Variants in LRRIQ1 observed in about 807,000 individuals in gnomAD.
The protein encoded by LRRIQ1 is leucine-rich repeat- and IQ domain-containing protein 1.
In LRRIQ1, 210 loss-of-function variants were observed where a neutral mutation model predicts 211.9. The ratio of observed to expected loss-of-function variants is 0.99; its 90% CI spans 0.89 to 1.11. The LOEUF is 1.11. Among genes scored for constraint, LRRIQ1 ranks in the 50% most tolerant of loss-of-function variants. LRRIQ1 has a pLI of 0.00. For synonymous variants in LRRIQ1, 699 were observed against 650.1 expected (o/e 1.08, Z -1.14); for missense variants, 2,136 against 1,939.5 (o/e 1.10, Z -1.90).
chr12:85,185,886 A>C (rs1355552401), intron 24 of LRRIQ1, among the ~76,000 whole-genome samples: 1 of 151,962 alleles, frequency 6.6e-6, no homozygotes, highest in Admixed American at 6.6e-5. Flanking sequence ...TTTGAATTTT[A>C]ATTGCTTATA....
intron 11 of LRRIQ1, among the ~76,000 whole-genome samples, chr12:85,087,653 G>C (rs536289044): frequency 8.5e-5 from 13 of 152,280 alleles, no homozygotes; most frequent in South Asian, 4.1e-4. Context: ...GTGTGAGATA[G>C]TATCTCATTG....
Position 85,098,493 on chromosome 12 carries a change from T to C in LRRIQ1, c.3026T>C (p.Val1009Ala), listed in dbSNP as rs747103001. ...AATCATCTTACTGATGTAGAGGGCG[T>C]TGAAAATTGTGGATTGCTCCAAATA... Reference protein sequence around the residue: ...SHNHLTDVEGVENCGLLQILK... With the variant: ...SHNHLTDVEGAENCGLLQILK... The change falls in exon 12 of 27, where the codon GTT becomes GCT. Residue 1009 changes from valine to alanine, a missense_variant. By Grantham distance (64) the Val-to-Ala change is moderately conservative. Coordinates refer to ENST00000393217, the MANE Select transcript of LRRIQ1 (RefSeq NM_001079910.2). The C allele has an allele frequency of 9.9e-6, 16 of 1,611,708 alleles. 1 individual carries two copies. The highest frequency in any genetic ancestry group is 9.9e-5 in the South Asian group (9 of 90,868).
At chr12:85,235,677 T>C (rs1159868) in intron 26 of LRRIQ1, among the ~76,000 whole-genome samples, 73,002 of 152,066 alleles carry the variant, frequency 0.48, 21,555 homozygotes, top group African/African-American at 0.84. Flanking sequence ...AGTTGTTAAA[T>C]ATGATCTAGG....
intron 24 of LRRIQ1, among the ~76,000 whole-genome samples, chr12:85,178,844 T>C (rs1891843738): frequency 6.6e-6 from 1 of 151,540 alleles, no homozygotes. Context: ...TCAGACATTA[T>C]ATTAGGCTGT....
chr12:85,222,448 G>A (rs1353412058), intron 24 of LRRIQ1, among the ~76,000 whole-genome samples: 1 of 152,112 alleles, frequency 6.6e-6, no homozygotes, highest in African/African-American at 2.4e-5. Context: ...CAAGCCTTTC[G>A]AGAAGGAGGG....
chr12:85,125,014 T>TAAAAAATACAA (rs1888276602), intron 17 of LRRIQ1, among the ~76,000 whole-genome samples: 1 of 151,844 alleles, frequency 6.6e-6, no homozygotes, highest in African/African-American at 2.4e-5. Context: ...CCGTCTCTAC[T>TAAAAAATACAA]AAAAAATACA....
intron 5 of LRRIQ1, 21 bp from the exon 6 acceptor site, chr12:85,047,226 T>C: frequency 6.5e-7 from 1 of 1,530,576 alleles, no homozygotes; most frequent in Non-Finnish European, 8.8e-7. Context: ...ATGATGATGT[T>C]ATTTTTCTTC....
intron 15 of LRRIQ1, among the ~76,000 whole-genome samples, chr12:85,112,232 A>T (rs1399290620): frequency 6.6e-6 from 1 of 151,858 alleles, no homozygotes; most frequent in Non-Finnish European, 1.5e-5. Context: ...GCTAGACTAC[A>T]TCTTCTTAGA....
chr12:85,102,959 A>AAAATATATATATATATAT (rs1458673370), intron 13 of LRRIQ1, among the ~76,000 whole-genome samples: 1 of 108,500 alleles, frequency 9.2e-6, no homozygotes, highest in African/African-American at 4.2e-5. Flanking sequence ...AAAAAAAAAA[A>AAAATATATATATATATAT]ATATATATAT....
intron 1 of LRRIQ1, among the ~76,000 whole-genome samples, chr12:85,255,890 T>C (rs943326019): frequency 2.0e-5 from 3 of 151,914 alleles, no homozygotes; most frequent in Middle Eastern, 3.4e-3. Flanking sequence ...TTAATTGCTG[T>C]TACACCAAGA....
At chr12:85,240,798 C>T (rs1416043046) in intron 26 of LRRIQ1, among the ~76,000 whole-genome samples, 2 of 152,000 alleles carry the variant, frequency 1.3e-5, no homozygotes, top group Admixed American at 6.6e-5. Flanking sequence ...ATATAAGATC[C>T]TTAAGCATCA....
chr12:85,172,370 T>A (rs1891462008), intron 24 of LRRIQ1, among the ~76,000 whole-genome samples: 1 of 152,220 alleles, frequency 6.6e-6, no homozygotes, highest in African/African-American at 2.4e-5. Context: ...TATTGCCTTT[T>A]ATCTAAACTA....
chr12:85,240,377 C>G (rs888250095), intron 26 of LRRIQ1, among the ~76,000 whole-genome samples: 34 of 152,088 alleles, frequency 2.2e-4, no homozygotes, highest in Non-Finnish European at 4.1e-4. Context: ...TACAGCCACT[C>G]TGGAGAAAAA....
In LRRIQ1 at chr12:85,046,098, A is replaced by G; in HGVS notation, c.415A>G (p.Ser139Gly). Residue 139 changes from serine to glycine, a missense_variant, in exon 5 of 27, where the codon AGT becomes GGT. By Grantham distance (56) the Ser-to-Gly change is moderately conservative. Transcript: ENST00000393217. ...CACTCCTGATTTTGTTCCTGAGCCT[A>G]GTCCTCATGACTTGCCTATGGATGA... is the stretch of plus-strand genomic sequence containing the variant. ...CATPDFVPEPSPHDLPMDEHV... is the reference protein window; with the variant it reads ...CATPDFVPEPGPHDLPMDEHV... 4 of 1,610,616 alleles carry G rather than the reference A, an allele frequency of 2.5e-6. No individual in the cohort carries two copies. The highest frequency in any genetic ancestry group is 3.4e-6 in the Non-Finnish European group (4 of 1,177,698).
intron 24 of LRRIQ1, among the ~76,000 whole-genome samples, chr12:85,192,608 G>A (rs1202162061): frequency 3.9e-5 from 4 of 101,738 alleles, no homozygotes; most frequent in African/African-American, 8.7e-5. Flanking sequence ...TGTATATATA[G>A]TTATATACTA....
At chr12:85,134,260 A>G (rs1371518154) in intron 18 of LRRIQ1, among the ~76,000 whole-genome samples, 1 of 152,136 alleles carries the variant, frequency 6.6e-6, no homozygotes. Flanking sequence ...CATTATGCAC[A>G]TATATTCAAA....
At chr12:85,106,718 A>T (rs1886812101) in intron 15 of LRRIQ1, 103 bp downstream of exon 15, 1 of 730,474 alleles carries the variant, frequency 1.4e-6, no homozygotes, top group Non-Finnish European at 2.2e-6. Flanking sequence ...GGATAAGTTA[A>T]TTAAAAAATT....
chr12:85,046,380 C>A (rs1372851078), intron 5 of LRRIQ1, among the ~76,000 whole-genome samples: 1 of 151,974 alleles, frequency 6.6e-6, no homozygotes, highest in Non-Finnish European at 1.5e-5. Flanking sequence ...CTTGACTATC[C>A]CTGACTTTAT....
At chr12:85,199,879 C>G (rs1331179171) in intron 24 of LRRIQ1, among the ~76,000 whole-genome samples, 1 of 152,086 alleles carries the variant, frequency 6.6e-6, no homozygotes, top group Non-Finnish European at 1.5e-5. Context: ...GGGAACACAG[C>G]CAAAACATAC....
Sources: allele counts gnomAD v4.1 joint callset (sites outside exome capture counted in the v4.1 genomes callset), GRCh38; gene constraint gnomAD v4.1.1; transcripts MANE v1.5; gene names NCBI Gene and HGNC (gene_info 2026-07-23, HGNC 2026-07-21).